The following KCNAB1 variants were observed in gnomAD, a reference collection of about 807,000 sequenced individuals.
KCNAB1 encodes voltage-gated potassium channel subunit beta-1.
KCNAB1 carries 35 observed loss-of-function variants against 64.6 expected under a neutral mutation model. The ratio of observed to expected loss-of-function variants is 0.54; its 90% CI spans 0.41 to 0.72. The LOEUF (loss-of-function observed/expected upper bound fraction) is 0.72, where lower values mean the gene tolerates loss of function less well. KCNAB1 is among the 30% of genes least tolerant of loss of function. The pLI is 0.00. For missense variants in KCNAB1, 401 were observed against 512.9 expected, an observed-to-expected ratio of 0.78 and a Z score of 2.11; for synonymous variants, 177 against 183.8, an observed-to-expected ratio of 0.96 and a Z score of 0.30.
At chr3:156,242,275 A>G (rs533121486) in intron 1 of KCNAB1, among the ~76,000 whole-genome samples, 22 of 152,028 alleles carry the variant, frequency 1.4e-4, no homozygotes, top group Non-Finnish European at 2.8e-4. Flanking sequence ...TGCTTCTGTT[A>G]TTCTTTATTT....
intron 1 of KCNAB1, among the ~76,000 whole-genome samples, chr3:156,406,014 GT>G (rs1457096046): frequency 1.3e-5 from 2 of 152,196 alleles, no homozygotes; most frequent in South Asian, 2.1e-4. Flanking sequence ...CTTGGTGAGA[GT>G]TATGGGACAG....
chr3:156,161,738 A>C (rs1337149972), intron 1 of KCNAB1, among the ~76,000 whole-genome samples: 1 of 152,236 alleles, frequency 6.6e-6, no homozygotes, highest in Non-Finnish European at 1.5e-5. Context: ...CACTTTACAT[A>C]AAATAACTGG....
At chr3:156,194,449 G>A (rs998986935) in intron 1 of KCNAB1, among the ~76,000 whole-genome samples, 1 of 151,836 alleles carries the variant, frequency 6.6e-6, no homozygotes, top group Non-Finnish European at 1.5e-5. Context: ...TCATTCTTAT[G>A]CTTCTTCCTT....
chr3:156,380,125 C>A (rs1051014087), intron 1 of KCNAB1, among the ~76,000 whole-genome samples: 8 of 152,122 alleles, frequency 5.3e-5, no homozygotes, highest in Non-Finnish European at 1.0e-4. Flanking sequence ...TGGCTTTCTG[C>A]TCTCTGACCC....
chr3:156,221,479 A>C (rs573152206), intron 1 of KCNAB1, among the ~76,000 whole-genome samples: 50 of 152,110 alleles, frequency 3.3e-4, no homozygotes, highest in Non-Finnish European at 5.6e-4. Flanking sequence ...AATAATTATC[A>C]GTCAAGAATT....
At chr3:156,526,161 G>GTA (rs1718294444) in intron 12 of KCNAB1, among the ~76,000 whole-genome samples, 1 of 152,194 alleles carries the variant, frequency 6.6e-6, no homozygotes, top group Non-Finnish European at 1.5e-5. Context: ...GTAACATGCT[G>GTA]TACAGATTTG....
At chr3:156,402,151 TA>T (rs79992613) in intron 1 of KCNAB1, among the ~76,000 whole-genome samples, 3,513 of 141,748 alleles carry the variant, frequency 0.025, 53 homozygotes, top group South Asian at 0.043. Context: ...AAGTATAATT[TA>T]AAAAAAAAAA....
intron 7 of KCNAB1, among the ~76,000 whole-genome samples, chr3:156,471,696 T>C (rs1253490339): frequency 1.3e-5 from 2 of 152,228 alleles, no homozygotes; most frequent in African/African-American, 4.8e-5. Flanking sequence ...CACTCAACAA[T>C]CATTTGCTAA....
rs574714452 is a variant in KCNAB1, at chr3:156,138,400, C to T, written c.275+17514C>T. 3.0e-3 allele frequency among the ~76,000 whole-genome samples: 462 copies of T among 152,274 alleles called. 3 individuals carry two copies. The highest frequency in any genetic ancestry group is 0.011 in the African/African-American group (446 of 41,554). On this transcript the variant is annotated intron_variant, in intron 1 of 13. Transcript: ENST00000490337. ...GGTTGGTCCCAATACTTCCCCACCC[C>T]GGCAGTGACAGTGCATTCCCACTCC...
chr3:156,310,005 T>G (rs1721783056), intron 1 of KCNAB1, among the ~76,000 whole-genome samples: 1 of 152,210 alleles, frequency 6.6e-6, no homozygotes, highest in African/African-American at 2.4e-5. Context: ...CCAACAGGGC[T>G]TGTTGAGTGA....
At chr3:156,211,579 A>T (rs933670969) in intron 1 of KCNAB1, among the ~76,000 whole-genome samples, 1 of 152,202 alleles carries the variant, frequency 6.6e-6, no homozygotes, top group African/African-American at 2.4e-5. Context: ...ATTAAGCACT[A>T]TTGTGGAAAA....
At chr3:156,457,285 T>A (rs1170486843) in intron 3 of KCNAB1, 168 bp from the exon 4 acceptor site, 1 of 1,432,700 alleles carries the variant, frequency 7.0e-7, no homozygotes, top group Non-Finnish European at 9.1e-7. Context: ...ACTTCTGTCC[T>A]ATGGATACTG....
downstream of KCNAB1, chr3:156,539,045 T>G (rs912461679): frequency 2.6e-5 from 4 of 152,188 alleles, no homozygotes; most frequent in South Asian, 8.3e-4. Flanking sequence ...GTTAGTTATG[T>G]CCTTAAGAAA....
intron 12 of KCNAB1, among the ~76,000 whole-genome samples, chr3:156,524,691 A>G (rs573182182): frequency 6.4e-5 from 9 of 140,020 alleles, no homozygotes; most frequent in Non-Finnish European, 1.2e-4. Context: ...AGCTTGCAGT[A>G]AGCCCAGATT....
chr3:156,163,079 A>G (rs1339653357), intron 1 of KCNAB1, among the ~76,000 whole-genome samples: 1 of 152,238 alleles, frequency 6.6e-6, no homozygotes, highest in East Asian at 1.9e-4. Flanking sequence ...GATTCACACT[A>G]TGCTATCCTA....
At chr3:156,473,323 T>C (rs141445906) in intron 7 of KCNAB1, among the ~76,000 whole-genome samples, 291 of 152,298 alleles carry the variant, frequency 1.9e-3, no homozygotes, top group African/African-American at 6.8e-3. Context: ...CCTAGCATGC[T>C]AGAGTGCAGA....
intron 1 of KCNAB1, among the ~76,000 whole-genome samples, chr3:156,323,784 T>C (rs1366195929): frequency 1.3e-5 from 2 of 152,196 alleles, no homozygotes; most frequent in Admixed American, 1.3e-4. Context: ...AATCTTTCCA[T>C]CTTTTATACT....
At chr3:156,225,873 G>A (rs1716128495) in intron 1 of KCNAB1, among the ~76,000 whole-genome samples, 1 of 152,010 alleles carries the variant, frequency 6.6e-6, no homozygotes, top group South Asian at 2.1e-4. Flanking sequence ...CCTAACCAAG[G>A]ACTTGAAAGA....
At chr3:156,522,604 G>A (rs1387815788) in intron 11 of KCNAB1, among the ~76,000 whole-genome samples, 5 of 152,128 alleles carry the variant, frequency 3.3e-5, no homozygotes, top group East Asian at 1.9e-4. Flanking sequence ...AAACTGGGGC[G>A]GCTTGCCCTT....
Sources: allele counts gnomAD v4.1 joint callset (sites outside exome capture counted in the v4.1 genomes callset), GRCh38; gene constraint gnomAD v4.1.1; transcripts MANE v1.5; gene names NCBI Gene and HGNC (gene_info 2026-07-23, HGNC 2026-07-21).